The following ZNF451 variants were observed in gnomAD, a reference collection of about 807,000 sequenced individuals.
ZNF451 encodes zinc finger protein 451, also known as E3 SUMO-protein ligase ZNF451.
A neutral mutation model predicts 107.1 loss-of-function variants in ZNF451; 80 were observed. That is an observed-to-expected ratio of 0.75 (90% CI 0.62 to 0.90). The LOEUF is 0.90. Ranked by LOEUF, ZNF451 falls within the 40% of genes least tolerant of loss-of-function variation. The pLI, the probability that ZNF451 is intolerant of heterozygous loss-of-function variation, is 0.00. For synonymous variants in ZNF451, 362 were observed against 406.5 expected (o/e 0.89, Z 1.32); for missense variants, 1,107 against 1,236.2 (o/e 0.90, Z 1.57).
intron 14 of ZNF451, among the ~76,000 whole-genome samples, chr6:57,164,400 G>A (rs1763809442): frequency 6.6e-6 from 1 of 152,098 alleles, no homozygotes; most frequent in Admixed American, 6.5e-5. Context: ...TAATGTTACT[G>A]GGATTATGAT....
chr6:57,145,648 T>G (rs530230803), intron 9 of ZNF451, among the ~76,000 whole-genome samples: 6 of 152,180 alleles, frequency 3.9e-5, no homozygotes, highest in African/African-American at 1.4e-4. Context: ...TTTTTATGAC[T>G]CAGTAGTATT....
At chr6:57,145,712 AGGT>A (rs2127977539) in intron 9 of ZNF451, among the ~76,000 whole-genome samples, 1 of 152,254 alleles carries the variant, frequency 6.6e-6, no homozygotes, top group African/African-American at 2.4e-5. Context: ...ATGGACACTT[AGGT>A]TGATTCCATT....
chr6:57,149,285 C>A (rs890549704), intron 10 of ZNF451, among the ~76,000 whole-genome samples: 1 of 152,110 alleles, frequency 6.6e-6, no homozygotes, highest in African/African-American at 2.4e-5. Context: ...TTTCTTTCTT[C>A]CATATGATAG....
chr6:57,160,788 G>T, intron 13 of ZNF451: 2 of 241,934 alleles, frequency 8.3e-6, no homozygotes, highest in South Asian at 3.4e-4. Flanking sequence ...TATTATGAAA[G>T]CACGTAAGAC....
At chr6:57,166,050 C>T (rs9367714) in intron 14 of ZNF451, among the ~76,000 whole-genome samples, 17,143 of 150,692 alleles carry the variant, frequency 0.11, 1,183 homozygotes, top group African/African-American at 0.18. Flanking sequence ...TTTTTTGAGA[C>T]GGAGTCTTCC....
At chr6:57,161,202 T>G in intron 14 of ZNF451, 50 bp downstream of exon 14, 1 of 1,154,768 alleles carries the variant, frequency 8.7e-7, no homozygotes, top group South Asian at 2.2e-5. Context: ...TCTGTATTTT[T>G]TTTTTAAATT....
chr6:57,128,917 A>C (rs1452184550), intron 5 of ZNF451, 77 bp downstream of exon 5: 5 of 994,320 alleles, frequency 5.0e-6, no homozygotes, highest in Middle Eastern at 4.3e-4. Flanking sequence ...GTTTTATGCT[A>C]TTGCTAATAA....
At chr6:57,093,897 A>G (rs1169997803) in intron 2 of ZNF451, among the ~76,000 whole-genome samples, 3 of 152,272 alleles carry the variant, frequency 2.0e-5, no homozygotes, top group Admixed American at 6.5e-5. Context: ...AACAGGCACA[A>G]TTGGAAACTA....
In ZNF451 at chr6:57,169,485, A is replaced by G. The variant is rs1050204748; in HGVS notation, c.*1016A>G. ...GGCTTGTCATATTATCTTTGTGTAT[A>G]TGCTTCATGTTATTTAACCAGAAAT... On this transcript the variant is annotated 3_prime_UTR_variant, in exon 15 of 15. Coordinates refer to ENST00000370706, the MANE Select transcript of ZNF451 (RefSeq NM_001031623.3). The G allele has an allele frequency of 6.6e-6, 1 of 152,164 alleles. No individual in the cohort carries two copies. The highest frequency in any genetic ancestry group is 2.4e-5 in the African/African-American group (1 of 41,454). 9.4% of individuals were successfully genotyped at this position (152,164 alleles called of 1,614,324 possible).
At chr6:57,109,967 G>A (rs560842564) in intron 3 of ZNF451, among the ~76,000 whole-genome samples, 16 of 152,274 alleles carry the variant, frequency 1.1e-4, no homozygotes, top group Non-Finnish European at 1.2e-4. Flanking sequence ...ATTCTCCAGA[G>A]AAATAAATAC....
At chr6:57,119,652 C>T (rs1158852480) in intron 3 of ZNF451, among the ~76,000 whole-genome samples, 1 of 152,136 alleles carries the variant, frequency 6.6e-6, no homozygotes, top group African/African-American at 2.4e-5. Context: ...CACTTACCTC[C>T]TCCCCTCCCA....
At chr6:57,135,704 A>G (rs1431160189) in intron 7 of ZNF451, among the ~76,000 whole-genome samples, 2 of 152,130 alleles carry the variant, frequency 1.3e-5, no homozygotes, top group Non-Finnish European at 2.9e-5. Context: ...CTGTATGAAT[A>G]TAGTATTAAT....
chr6:57,160,874 T>A (rs548145252), intron 13 of ZNF451: 1 of 414,374 alleles, frequency 2.4e-6, no homozygotes, highest in Admixed American at 4.5e-5. Flanking sequence ...TAGAGATGAA[T>A]GCATATGATT....
intron 2 of ZNF451, among the ~76,000 whole-genome samples, chr6:57,098,326 C>G (rs1829424676): frequency 6.6e-6 from 1 of 151,818 alleles, no homozygotes; most frequent in African/African-American, 2.4e-5. Context: ...AGCCACCACA[C>G]CTGGCCTAAT....
chr6:57,106,839 A>G (rs1044305251), intron 3 of ZNF451: 65 of 982,306 alleles, frequency 6.6e-5, no homozygotes, highest in Non-Finnish European at 7.7e-5. Context: ...TTACTTAAGA[A>G]AATATATAAG....
chr6:57,161,040 A>G (rs1763650180), intron 13 of ZNF451, 44 bp from the exon 14 acceptor site: 2 of 1,285,712 alleles, frequency 1.6e-6, no homozygotes, highest in Non-Finnish European at 2.1e-6. Context: ...GAGAATACAT[A>G]AATTTATGGC....
chr6:57,098,804 T>C (rs1051304470), intron 2 of ZNF451, among the ~76,000 whole-genome samples: 1 of 152,236 alleles, frequency 6.6e-6, no homozygotes, highest in Non-Finnish European at 1.5e-5. Flanking sequence ...TTAATTTTCC[T>C]TTCCCAAGTA....
intron 3 of ZNF451, chr6:57,108,880 A>G: frequency 1.0e-6 from 1 of 985,444 alleles, no homozygotes; most frequent in Non-Finnish European, 1.2e-6. Flanking sequence ...TCATTAAGCA[A>G]CTTGCTCAGG....
chr6:57,101,691 T>G (rs1009714635), intron 3 of ZNF451: 7 of 1,550,560 alleles, frequency 4.5e-6, no homozygotes, highest in African/African-American at 1.4e-5. Flanking sequence ...GCATAATATC[T>G]GATGGTATGG....
Sources: allele counts gnomAD v4.1 joint callset (sites outside exome capture counted in the v4.1 genomes callset), GRCh38; gene constraint gnomAD v4.1.1; transcripts MANE v1.5; gene names NCBI Gene and HGNC (gene_info 2026-07-23, HGNC 2026-07-21).